FLT1: variants seen among roughly 807,000 people sequenced by gnomAD.
The protein encoded by FLT1 is vascular endothelial growth factor receptor 1.
FLT1 carries 49 observed loss-of-function variants against 156.3 expected under a neutral mutation model. The ratio of observed to expected loss-of-function variants is 0.31; its 90% CI spans 0.25 to 0.40. The LOEUF (loss-of-function observed/expected upper bound fraction) is 0.40. Among genes scored for constraint, FLT1 ranks in the 10% least tolerant of loss-of-function variants. The pLI is 1.00. For synonymous variants in FLT1, 594 were observed against 583.8 expected (o/e 1.02, Z -0.25); for missense variants, 1,322 against 1,637.2 (o/e 0.81, Z 3.32).
At chr13:28,458,035 A>G (rs191103341) in intron 3 of FLT1, among the ~76,000 whole-genome samples, 1 of 147,732 alleles carries the variant, frequency 6.8e-6, no homozygotes, top group Admixed American at 6.9e-5. Flanking sequence ...CCTGGGTTCA[A>G]GCGATTCTCC....
chr13:28,408,598 T>C (rs951602003), intron 10 of FLT1, among the ~76,000 whole-genome samples: 4 of 152,180 alleles, frequency 2.6e-5, no homozygotes, highest in Admixed American at 2.6e-4. Flanking sequence ...TGTTTGAAGA[T>C]GCAAAGATAA....
chr13:28,397,631 C>T (rs1370675623), intron 11 of FLT1, among the ~76,000 whole-genome samples: 7 of 151,912 alleles, frequency 4.6e-5, no homozygotes, highest in Admixed American at 2.0e-4. Flanking sequence ...AAGCAGTTTT[C>T]CCGCTTTTGT....
At chr13:28,400,703 A>C (rs1362750711) in intron 11 of FLT1, among the ~76,000 whole-genome samples, 1 of 152,242 alleles carries the variant, frequency 6.6e-6, no homozygotes, top group East Asian at 1.9e-4. Flanking sequence ...AAACGAAAAT[A>C]GCATCACAGT....
intron 1 of FLT1, among the ~76,000 whole-genome samples, chr13:28,487,171 C>G (rs1881212807): frequency 2.6e-5 from 4 of 152,180 alleles, no homozygotes; most frequent in Admixed American, 2.6e-4. Context: ...TTAAATTGGT[C>G]AGAGGTACAG....
Position 28,339,244 on chromosome 13 carries a change from A to C in FLT1, c.2412T>G (p.Val804=). ...YLSIIMDPDE[V]PLDEQCERLP... is the part of the protein sequence containing the mutation. ...GCCGCTCACACTGCTCATCCAAAGG[A>C]ACTTCATCTGGGTCCATTATAATTG... Residue 804 remains valine, a synonymous_variant, in exon 17 of 30, where the codon GTT becomes GTG. Transcript: ENST00000282397. 1 of 1,614,070 alleles carries C rather than the reference A, an allele frequency of 6.2e-7. No homozygotes were observed. Among genetic ancestry groups the C allele is most frequent in the East Asian group, 2.2e-5 (1 of 44,894 alleles).
Position 28,430,214 on chromosome 13 carries a change from T to C in FLT1, c.989-47A>G, listed in dbSNP as rs201784870. On this transcript the variant is annotated intron_variant, in intron 7 of 29. Coordinates refer to ENST00000282397, the MANE Select transcript of FLT1 (RefSeq NM_002019.4). ...ATACATTAGAAAAGAATAATTTCCA[T>C]AAACAAAACCTTAGGGCCTCATTCA... 6.4e-6 allele frequency: 9 copies of C among 1,405,058 alleles called. No individual in the cohort carries two copies. The East Asian group carries it at 1.8e-4, about 28-fold the overall frequency. The allele number at this position is 1,405,058 out of a possible 1,614,324, so 87.0% of individuals were successfully genotyped here.
intron 14 of FLT1, among the ~76,000 whole-genome samples, chr13:28,367,197 G>A (rs954556745): frequency 6.6e-6 from 1 of 152,140 alleles, no homozygotes; most frequent in Non-Finnish European, 1.5e-5. Context: ...GTCATCTTAA[G>A]GTTCAAAAAG....
At chr13:28,486,754 T>G (rs1479630791) in intron 1 of FLT1, among the ~76,000 whole-genome samples, 1 of 152,254 alleles carries the variant, frequency 6.6e-6, no homozygotes, top group Non-Finnish European at 1.5e-5. Context: ...TCTTGCACAC[T>G]CTACTAGCAC....
chr13:28,324,210 C>A (rs1451824472), intron 20 of FLT1, among the ~76,000 whole-genome samples: 5 of 152,086 alleles, frequency 3.3e-5, no homozygotes, highest in African/African-American at 1.2e-4. Flanking sequence ...TATAACAAGA[C>A]CATGTTTGTA....
intron 3 of FLT1, among the ~76,000 whole-genome samples, chr13:28,450,265 A>G (rs1878859352): frequency 6.6e-6 from 1 of 152,160 alleles, no homozygotes; most frequent in South Asian, 2.1e-4. Context: ...GGAAGTAGGG[A>G]CCTCATTTTA....
intron 3 of FLT1, among the ~76,000 whole-genome samples, chr13:28,438,806 C>CA (rs1229295877): frequency 6.6e-6 from 1 of 152,126 alleles, no homozygotes. Context: ...AGAAGTCTAG[C>CA]AAGTTGAGGA....
intron 11 of FLT1, among the ~76,000 whole-genome samples, chr13:28,397,748 C>A (rs1875142794): frequency 1.1e-5 from 1 of 93,602 alleles, no homozygotes; most frequent in African/African-American, 4.5e-5. Context: ...CTGAAGGAGA[C>A]CGTGTGTGTG....
intron 20 of FLT1, among the ~76,000 whole-genome samples, chr13:28,324,233 C>T (rs1195804937): frequency 6.6e-6 from 1 of 152,176 alleles, no homozygotes; most frequent in Non-Finnish European, 1.5e-5. Context: ...CTAGATTCTG[C>T]TAGACAGCAA....
At chr13:28,347,250 C>T (rs992195244) in intron 15 of FLT1, among the ~76,000 whole-genome samples, 5 of 151,330 alleles carry the variant, frequency 3.3e-5, no homozygotes, top group Non-Finnish European at 5.9e-5. Context: ...TGGCCAAGTG[C>T]GATGGCACAC....
chr13:28,318,358 A>G (rs1871290156), intron 24 of FLT1, among the ~76,000 whole-genome samples: 1 of 152,132 alleles, frequency 6.6e-6, no homozygotes, highest in African/African-American at 2.4e-5. Context: ...TAAGGGCGCC[A>G]GAGAGGCCTA....
intron 8 of FLT1, among the ~76,000 whole-genome samples, chr13:28,429,370 T>C (rs1290649500): frequency 6.6e-6 from 1 of 152,198 alleles, no homozygotes; most frequent in Non-Finnish European, 1.5e-5. Flanking sequence ...TTGTTTAAAA[T>C]GTAATGACTT....
chr13:28,426,801 TG>T (rs1877367011), intron 10 of FLT1, among the ~76,000 whole-genome samples: 1 of 152,160 alleles, frequency 6.6e-6, no homozygotes, highest in Non-Finnish European at 1.5e-5. Context: ...AAAATGGGAA[TG>T]CTAATGCAAC....
intron 10 of FLT1, among the ~76,000 whole-genome samples, chr13:28,406,138 G>A (rs1397687813): frequency 1.3e-5 from 2 of 151,996 alleles, no homozygotes; most frequent in African/African-American, 4.8e-5. Context: ...CGTTGTAAAT[G>A]TTAATATTAA....
chr13:28,321,599 G>A lies in FLT1; in HGVS notation c.3052-14C>T, dbSNP rs2138830211. ...CCGATGAATGCACTATAATAAAACA[G>A]TTGCATAATCAATGCATTTCCTTAA... On this transcript the variant is annotated splice_polypyrimidine_tract_variant and intron_variant, in intron 22 of 29. Transcript: ENST00000282397. 1 of 1,613,674 alleles carries A rather than the reference G, an allele frequency of 6.2e-7. No individual in the cohort carries two copies. Among genetic ancestry groups the A allele is most frequent in the South Asian group, 1.1e-5 (1 of 91,076 alleles).
Sources: gnomAD v4.1 joint callset for allele counts (sites outside exome capture counted in the v4.1 genomes callset) on GRCh38, gnomAD v4.1.1 for gene constraint, MANE v1.5 for transcripts, NCBI Gene and HGNC (gene_info 2026-07-23, HGNC 2026-07-21) for gene names.